Variants in RIPOR3 observed in about 807,000 individuals in gnomAD.
RIPOR3 encodes the protein family with sequence similarity 65 member C.
RIPOR3 carries 95 observed loss-of-function variants against 114.3 expected under a neutral mutation model. That is an observed-to-expected ratio of 0.83 (90% CI 0.70 to 0.99). The LOEUF is 0.99. RIPOR3 is among the 50% of genes least tolerant of loss of function. The pLI is 0.00. For missense variants in RIPOR3, 1,252 were observed against 1,266.9 expected (o/e 0.99, Z 0.18); for synonymous variants, 575 against 543.8 (o/e 1.06, Z -0.80).
chr20:50,637,162 G>T (rs1434210927), intron 1 of RIPOR3, among the ~76,000 whole-genome samples: 1 of 152,092 alleles, frequency 6.6e-6, no homozygotes, highest in Non-Finnish European at 1.5e-5. Flanking sequence ...AGTCCAACTC[G>T]CTCATTTTAC....
chr20:50,687,352 A>T (rs539347124), intron 1 of RIPOR3, among the ~76,000 whole-genome samples: 1 of 152,318 alleles, frequency 6.6e-6, no homozygotes, highest in South Asian at 2.1e-4. Flanking sequence ...TTTAAGTGAG[A>T]TGGGGAAATT....
chr20:50,685,475 A>G (rs1273078410), intron 1 of RIPOR3, among the ~76,000 whole-genome samples: 1 of 150,064 alleles, frequency 6.7e-6, no homozygotes, highest in Non-Finnish European at 1.5e-5. Context: ...TCGGCCTCCC[A>G]AAGTGCTGGG....
chr20:50,627,052 C>T (rs2084645571), intron 2 of RIPOR3, among the ~76,000 whole-genome samples: 2 of 151,700 alleles, frequency 1.3e-5, no homozygotes, highest in African/African-American at 2.4e-5. Context: ...TGTGGTGGCC[C>T]ATGCCTGTAG....
chr20:50,644,474 A>G (rs2085321181), intron 1 of RIPOR3, among the ~76,000 whole-genome samples: 1 of 151,918 alleles, frequency 6.6e-6, no homozygotes, highest in South Asian at 2.1e-4. Flanking sequence ...GGATTGGTAC[A>G]TATTTCTTTT....
intron 20 of RIPOR3, among the ~76,000 whole-genome samples, chr20:50,589,084 GAAAAAAAAAAAAAAAAAAA>G (rs529410533): frequency 1.1e-5 from 1 of 89,524 alleles, no homozygotes; most frequent in East Asian, 3.5e-4. Context: ...TCCATCTCAA[GAAAAAAAAAAAAAAAAAAA>G]AAAAAAAAAA....
At chr20:50,608,091 C>CCT (rs1568848584) in intron 11 of RIPOR3, among the ~76,000 whole-genome samples, 1 of 152,144 alleles carries the variant, frequency 6.6e-6, no homozygotes, top group Non-Finnish European at 1.5e-5. Flanking sequence ...AGGTGAGCCT[C>CCT]CTCCAAGGAG....
intron 2 of RIPOR3, among the ~76,000 whole-genome samples, chr20:50,626,331 C>T (rs547255822): frequency 1.1e-4 from 16 of 152,374 alleles, no homozygotes; most frequent in African/African-American, 3.8e-4. Flanking sequence ...GGCCCAGCAT[C>T]CTCTGGCATC....
At chr20:50,628,947 G>A (rs6020647) in intron 2 of RIPOR3, among the ~76,000 whole-genome samples, 18,791 of 152,160 alleles carry the variant, frequency 0.12, 3,924 homozygotes, top group African/African-American at 0.43. Flanking sequence ...CCCCTGGGAA[G>A]GAGCTCAGGG....
Position 50,599,387 on chromosome 20 carries a change from G to A in RIPOR3, c.1660-1677C>T, listed in dbSNP as rs552004190. Among the ~76,000 whole-genome samples the A allele has an allele frequency of 1.2e-4, 18 of 150,198 alleles. No homozygotes were observed. The South Asian group carries it at 2.7e-3, about 23-fold the overall frequency. ...AGCCTGGACAACAGAGTGAGACTCC[G>A]TCTCCAAAAAAAAAGGAAAAAAAAA... is the stretch of plus-strand genomic sequence containing the variant. On this transcript the variant is annotated intron_variant, in intron 13 of 21. Coordinates refer to ENST00000327979, the MANE Select transcript of RIPOR3 (RefSeq NM_001290268.2).
intron 1 of RIPOR3, among the ~76,000 whole-genome samples, chr20:50,688,892 A>C (rs2087115757): frequency 6.6e-6 from 1 of 152,118 alleles, no homozygotes; most frequent in Non-Finnish European, 1.5e-5. Context: ...CCCTGGGGGG[A>C]GCACTGAGGT....
Position 50,630,861 on chromosome 20 carries a change from A to C in RIPOR3, c.4-5T>G, listed in dbSNP as rs549628150. The C allele has an allele frequency of 6.3e-7, 1 of 1,591,174 alleles. No individual in the cohort carries two copies. Among genetic ancestry groups the C allele is most frequent in the East Asian group, 2.3e-5 (1 of 43,470 alleles). On this transcript the variant is annotated splice_region_variant and splice_polypyrimidine_tract_variant and intron_variant, in intron 1 of 21. Coordinates refer to ENST00000327979, the MANE Select transcript of RIPOR3 (RefSeq NM_001290268.2). ...CCTCACCGACATGGTGGTCACCTGC[A>C]AGGAGAGGACAGGAGAGTCAGCCTG... is the stretch of plus-strand genomic sequence containing the variant.
intron 2 of RIPOR3, among the ~76,000 whole-genome samples, chr20:50,628,655 G>A (rs1354342876): frequency 1.3e-5 from 2 of 152,100 alleles, no homozygotes; most frequent in Non-Finnish European, 2.9e-5. Flanking sequence ...AGCTGGATCT[G>A]TCTCAATTAT....
At position 50,671,676 on chromosome 20, in the gene RIPOR3, A is replaced by G. The variant is rs377396193; in HGVS notation, c.3+19450T>C. Among the ~76,000 whole-genome samples the G allele has an allele frequency of 1.6e-4, 25 of 152,334 alleles. No individual in the cohort carries two copies. In the East Asian group the frequency reaches 3.9e-3, roughly 23 times the overall value. On this transcript the variant is annotated intron_variant, in intron 1 of 21. Transcript: ENST00000327979. Reference sequence around the variant, plus strand: ...ATGGGCATAATAGCACATCCCCACCATACAGGCTAATTGTGAGGACCACGA... The same window carrying G: ...ATGGGCATAATAGCACATCCCCACCGTACAGGCTAATTGTGAGGACCACGA...
intron 1 of RIPOR3, among the ~76,000 whole-genome samples, chr20:50,635,314 C>A (rs1368405204): frequency 1.3e-5 from 2 of 152,194 alleles, no homozygotes; most frequent in African/African-American, 4.8e-5. Flanking sequence ...TCTCCCAACA[C>A]CATATGAGAC....
At chr20:50,637,226 G>A (rs1031451163) in intron 1 of RIPOR3, among the ~76,000 whole-genome samples, 4 of 152,066 alleles carry the variant, frequency 2.6e-5, no homozygotes, top group Non-Finnish European at 5.9e-5. Context: ...ACCACCCAAA[G>A]GCGACTGGAA....
At chr20:50,620,867 A>G in intron 2 of RIPOR3, 2 of 720,562 alleles carry the variant, frequency 2.8e-6, no homozygotes, top group Admixed American at 1.8e-5. Flanking sequence ...GACCAAATAC[A>G]CTGAGTTTGT....
rs771511914 is a variant in RIPOR3, at chr20:50,630,842, C to G, written c.18G>C (p.Ser6=). The stretch of plus-strand genomic sequence containing the variant: ...CAGGGGACAGGAACCGCAACCTCAC[C>G]GACATGGTGGTCACCTGCAAGGAGA... MVTTM[S]VRLRFLSPGD... The change falls in exon 2 of 22, where the codon TCG becomes TCC. Residue 6 remains serine (S), a synonymous_variant. Coordinates refer to ENST00000327979, the MANE Select transcript of RIPOR3 (RefSeq NM_001290268.2). The G allele has an allele frequency of 6.2e-7, 1 of 1,603,582 alleles. No homozygotes were observed. Among genetic ancestry groups the G allele is most frequent in the South Asian group, 1.1e-5 (1 of 89,256 alleles).
chr20:50,646,692 T>C (rs558402852), intron 1 of RIPOR3, among the ~76,000 whole-genome samples: 8 of 152,296 alleles, frequency 5.3e-5, no homozygotes, highest in African/African-American at 1.9e-4. Flanking sequence ...CACTAGATTC[T>C]CAAGCATATG....
intron 1 of RIPOR3, among the ~76,000 whole-genome samples, chr20:50,684,664 A>G (rs2086957695): frequency 1.3e-5 from 2 of 152,190 alleles, no homozygotes; most frequent in African/African-American, 2.4e-5. Flanking sequence ...GGCAACTGCA[A>G]TAGCCCAGAG....
Sources: allele counts gnomAD v4.1 joint callset (sites outside exome capture counted in the v4.1 genomes callset), GRCh38; gene constraint gnomAD v4.1.1; transcripts MANE v1.5; gene names NCBI Gene and HGNC (gene_info 2026-07-23, HGNC 2026-07-21).